Variants in PANK1 observed in about 807,000 individuals in gnomAD.
PANK1 encodes pantothenic acid kinase 1.
A neutral mutation model predicts 40.1 loss-of-function variants in PANK1; 18 were observed. The observed-to-expected ratio is 0.45, with a 90% CI of 0.31 to 0.67. The LOEUF (loss-of-function observed/expected upper bound fraction) is 0.67, where lower values mean the gene tolerates loss of function less well. Among genes scored for constraint, PANK1 ranks in the 30% least tolerant of loss-of-function variants. PANK1 has a pLI of 0.06. For missense variants in PANK1, 457 were observed against 599.6 expected, an observed-to-expected ratio of 0.76 and a Z score of 2.48; for synonymous variants, 242 against 237.7, an observed-to-expected ratio of 1.02 and a Z score of -0.17.
chr10:89,611,611 A>C (rs940077416), intron 2 of PANK1, 85 bp downstream of exon 2: 4 of 946,044 alleles, frequency 4.2e-6, no homozygotes, highest in Non-Finnish European at 6.4e-6. Context: ...TCCCAAGGCT[A>C]GTAGTATGGT....
At chr10:89,613,018 A>C (rs1293519136) in intron 1 of PANK1, among the ~76,000 whole-genome samples, 1 of 152,174 alleles carries the variant, frequency 6.6e-6, no homozygotes. Context: ...TCTATGACAA[A>C]ATGAATCTCC....
chr10:89,589,412 C>T (rs1441236116), intron 5 of PANK1, among the ~76,000 whole-genome samples: 3 of 152,118 alleles, frequency 2.0e-5, no homozygotes, highest in African/African-American at 4.8e-5. Flanking sequence ...CTCTCCTATC[C>T]GGTTCATGCA....
intron 5 of PANK1, among the ~76,000 whole-genome samples, chr10:89,589,225 T>C (rs2133921958): frequency 6.6e-6 from 1 of 152,320 alleles, no homozygotes; most frequent in East Asian, 1.9e-4. Flanking sequence ...CTCAATTTGT[T>C]CTGTGCTGGA....
intron 1 of PANK1, among the ~76,000 whole-genome samples, chr10:89,618,487 G>A (rs745985218): frequency 1.8e-4 from 28 of 152,182 alleles, no homozygotes; most frequent in Non-Finnish European, 3.7e-4. Flanking sequence ...AGACTTTGGG[G>A]CAGTCTCCTT....
rs917757767 is a variant in PANK1, at chr10:89,599,644, C to G, written c.646-139G>C. On this transcript the variant is annotated intron_variant, in intron 2 of 6. Transcript: ENST00000307534. ...CCTTAAAACAAGTTGTAAAATCTTG[C>G]AGATAATCAGCCACTGCACTGGAAA... 5 of 814,258 alleles carry G rather than the reference C, an allele frequency of 6.1e-6. No homozygotes were observed. The South Asian group carries it at 9.2e-5, about 15-fold the overall frequency. The allele number at this position is 814,258 out of a possible 1,614,324, so 50.4% of individuals were successfully genotyped here.
At chr10:89,623,463 A>G (rs900931512) in intron 1 of PANK1, among the ~76,000 whole-genome samples, 2 of 150,874 alleles carry the variant, frequency 1.3e-5, no homozygotes, top group East Asian at 3.9e-4. Context: ...TGACCTCGCG[A>G]TTCTCCCATC....
intron 3 of PANK1, among the ~76,000 whole-genome samples, chr10:89,594,940 C>T (rs1246861424): frequency 6.6e-6 from 1 of 152,186 alleles, no homozygotes; most frequent in East Asian, 1.9e-4. Context: ...TATTTCTTTA[C>T]CATGTAGAAG....
At chr10:89,635,883 C>A (rs1841789354) in intron 1 of PANK1, among the ~76,000 whole-genome samples, 1 of 152,240 alleles carries the variant, frequency 6.6e-6, no homozygotes, top group African/African-American at 2.4e-5. Flanking sequence ...CAAAACCCAA[C>A]AGGGCAAACA....
intron 3 of PANK1, among the ~76,000 whole-genome samples, chr10:89,594,906 A>G (rs1172638893): frequency 6.6e-6 from 1 of 152,238 alleles, no homozygotes; most frequent in African/African-American, 2.4e-5. Flanking sequence ...ATTGATTCCT[A>G]AAGCTAATGG....
chr10:89,635,443 A>G (rs147590584), intron 1 of PANK1, among the ~76,000 whole-genome samples: 1 of 152,288 alleles, frequency 6.6e-6, no homozygotes, highest in East Asian at 1.9e-4. Flanking sequence ...AATGGCATTA[A>G]TCATTCATGG....
intron 1 of PANK1, among the ~76,000 whole-genome samples, chr10:89,621,180 A>G (rs1304204064): frequency 2.6e-5 from 4 of 152,144 alleles, no homozygotes; most frequent in Non-Finnish European, 5.9e-5. Context: ...ACATGCCTGT[A>G]ATCCTAGCTA....
At chr10:89,631,290 T>A (rs937173490) in intron 1 of PANK1, among the ~76,000 whole-genome samples, 2 of 152,366 alleles carry the variant, frequency 1.3e-5, no homozygotes, top group African/African-American at 4.8e-5. Flanking sequence ...GATGTTTAAC[T>A]AGTTTGATCC....
At chr10:89,590,420 A>G (rs1844345666) in intron 5 of PANK1, among the ~76,000 whole-genome samples, 1 of 152,172 alleles carries the variant, frequency 6.6e-6, no homozygotes, top group Non-Finnish European at 1.5e-5. Flanking sequence ...AACTCTGTGG[A>G]GAAACTTGTA....
At chr10:89,642,482 C>T (rs7908017) in intron 1 of PANK1, among the ~76,000 whole-genome samples, 2 of 152,094 alleles carry the variant, frequency 1.3e-5, no homozygotes, top group Admixed American at 6.5e-5. Context: ...CTAAAGTTTG[C>T]GTTTAAAGCA....
intron 1 of PANK1, among the ~76,000 whole-genome samples, chr10:89,631,057 G>A (rs1300428392): frequency 6.6e-6 from 1 of 152,140 alleles, no homozygotes; most frequent in African/African-American, 2.4e-5. Context: ...ACATATCCAT[G>A]AATGAACAAA....
chr10:89,614,381 T>G (rs1469621511), intron 1 of PANK1, among the ~76,000 whole-genome samples: 1 of 152,186 alleles, frequency 6.6e-6, no homozygotes, highest in Non-Finnish European at 1.5e-5. Context: ...TCTTTTACCA[T>G]GCTCAAATCA....
At chr10:89,598,448 C>A (rs185443279) in intron 3 of PANK1, among the ~76,000 whole-genome samples, 130 of 152,340 alleles carry the variant, frequency 8.5e-4, no homozygotes, top group Non-Finnish European at 1.5e-3. Flanking sequence ...TTCTACATGG[C>A]ACTAATCTCC....
rs1003089395 is a variant in PANK1, at chr10:89,595,582, G to T, written c.900-1593C>A. ...TGCCTGTAATCCCAGCACTTTTGCA[G>T]GCCAAGGTGGGTGGATCACCTGAGG... On this transcript the variant is annotated intron_variant, in intron 3 of 6. Transcript: ENST00000307534. Among the ~76,000 whole-genome samples, 3 of 151,530 alleles carry T rather than the reference G, an allele frequency of 2.0e-5. No individual in the cohort carries two copies. The East Asian group carries it at 5.8e-4, about 29-fold the overall frequency.
intron 1 of PANK1, among the ~76,000 whole-genome samples, chr10:89,625,209 G>C (rs1845623834): frequency 6.6e-6 from 1 of 152,190 alleles, no homozygotes; most frequent in African/African-American, 2.4e-5. Flanking sequence ...CTTGGACTAT[G>C]TTTTAAAAGT....
Sources: allele counts gnomAD v4.1 joint callset (sites outside exome capture counted in the v4.1 genomes callset), GRCh38; gene constraint gnomAD v4.1.1; transcripts MANE v1.5; gene names NCBI Gene and HGNC (gene_info 2026-07-23, HGNC 2026-07-21).